The following P2RX4 variants were observed in gnomAD, a reference collection of about 807,000 sequenced individuals.
P2RX4 encodes the protein P2X purinoceptor 4.
In P2RX4, 37 loss-of-function variants were observed where a neutral mutation model predicts 48.0. The ratio of observed to expected loss-of-function variants is 0.77; its 90% CI spans 0.59 to 1.01. The LOEUF is 1.01. Among genes scored for constraint, P2RX4 ranks in the 50% least tolerant of loss-of-function variants. The pLI, the probability that P2RX4 is intolerant of heterozygous loss-of-function variation, is 0.00. For synonymous variants in P2RX4, 200 were observed against 199.7 expected (o/e 1.00, Z -0.01); for missense variants, 501 against 521.4 (o/e 0.96, Z 0.38).
chr12:121,226,187 A>C (rs1886965294), intron 5 of P2RX4, among the ~76,000 whole-genome samples: 2 of 152,004 alleles, frequency 1.3e-5, no homozygotes, highest in Non-Finnish European at 2.9e-5. Context: ...ATATACTTTT[A>C]TTGGACATCA....
At position 121,232,786 on chromosome 12, in the gene P2RX4, C is replaced by A. The variant is rs1887455485; in HGVS notation, c.1044+110C>A. On this transcript the variant is annotated intron_variant, in intron 10 of 11. Coordinates refer to ENST00000337233, the MANE Select transcript of P2RX4 (RefSeq NM_002560.3). This position sits in a 1 kb window ranked among gnomAD's most constrained non-coding sequence, Gnocchi z 4.3. ...CTCAGATGTGTTTCTAAACTTGACCCTCCTACCTTCTTTCCCTTGGCCCCC... is the reference window on the plus strand; with the variant it reads ...CTCAGATGTGTTTCTAAACTTGACCATCCTACCTTCTTTCCCTTGGCCCCC... 1 of 1,006,178 alleles carries A rather than the reference C, an allele frequency of 9.9e-7. No individual in the cohort carries two copies. The highest frequency in any genetic ancestry group is 1.3e-5 in the South Asian group (1 of 77,892). 62.3% of individuals were successfully genotyped at this position (1,006,178 alleles called of 1,614,324 possible). A position where few individuals can be genotyped will look rare whatever the true frequency, so the allele number is the denominator to read the frequency against.
intron 2 of P2RX4, among the ~76,000 whole-genome samples, chr12:121,219,623 A>G (rs202194360): frequency 0.074 from 6,237 of 83,754 alleles, 157 homozygotes; most frequent in Non-Finnish European, 0.1. Flanking sequence ...ATGGATAGAT[A>G]GATAGATAGA....
In P2RX4 at chr12:121,220,689, C is replaced by T. The variant is rs535166190; in HGVS notation, c.283-1224C>T. ...AACCATTTTAAAATGAAAAATTCAG[C>T]ACATTTAGTGCATTCACAGTGTTAT... On this transcript the variant is annotated intron_variant, in intron 2 of 11. Transcript: ENST00000337233. Among the ~76,000 whole-genome samples the T allele has an allele frequency of 2.6e-3, 392 of 152,196 alleles. 6 individuals carry two copies. The South Asian group carries it at 0.027, about 11-fold the overall frequency.
rs776126041 is a variant in P2RX4, at chr12:121,232,486, C to A, written c.957C>A (p.Phe319Leu). The A allele has an allele frequency of 1.2e-6, 2 of 1,614,090 alleles. No homozygotes were observed. The highest frequency in any genetic ancestry group is 1.7e-6 in the Non-Finnish European group (2 of 1,179,926). The change falls in exon 9 of 12, where the codon TTC becomes TTA. Residue 319 changes from phenylalanine (F) to leucine (L), a missense_variant. Transcript: ENST00000337233. This position sits in a 1 kb window ranked among gnomAD's most constrained non-coding sequence, Gnocchi z 4.3. Reference sequence around the variant, plus strand: ...TCATCAAGGCCTATGGCATCCGCTTCGACATCATTGTGTTTGGGAAGGTAG... The same window carrying A: ...TCATCAAGGCCTATGGCATCCGCTTAGACATCATTGTGTTTGGGAAGGTAG... ...RTLIKAYGIR[F>L]DIIVFGKAGK...
chr12:121,211,051 T>A (rs757413008), intron 1 of P2RX4, among the ~76,000 whole-genome samples: 1 of 152,116 alleles, frequency 6.6e-6, no homozygotes, highest in African/African-American at 2.4e-5. Flanking sequence ...AAAGTTTGCT[T>A]CCTTTGTTTT....
At chr12:121,226,938 C>T (rs1398421577) in intron 5 of P2RX4, among the ~76,000 whole-genome samples, 2 of 151,928 alleles carry the variant, frequency 1.3e-5, no homozygotes, top group Non-Finnish European at 2.9e-5. Context: ...CATGGTGAAA[C>T]CCCATCTCTA....
At chr12:121,226,968 A>G (rs922675525) in intron 5 of P2RX4, among the ~76,000 whole-genome samples, 2 of 152,108 alleles carry the variant, frequency 1.3e-5, no homozygotes, top group Non-Finnish European at 2.9e-5. Context: ...TGAAAAAATT[A>G]GCCAGGCGTG....
chr12:121,226,127 C>G (rs886195445), intron 5 of P2RX4, among the ~76,000 whole-genome samples: 3 of 152,062 alleles, frequency 2.0e-5, no homozygotes, highest in Non-Finnish European at 4.4e-5. Flanking sequence ...CCTGCCTTAG[C>G]CTCCCAAAGT....
chr12:121,228,579 A>C lies in P2RX4; in HGVS notation c.571A>C (p.Asn191His), dbSNP rs547108639. Residue 191 changes from asparagine to histidine, a missense_variant, in exon 6 of 12, where the codon AAC becomes CAC. By Grantham distance (68) the Asn-to-His change is moderately conservative. This residue lies in a region of P2RX4 where 295 missense variants were observed against 275.3 expected (regional missense o/e 1.07). Coordinates refer to ENST00000337233, the MANE Select transcript of P2RX4 (RefSeq NM_002560.3). ...AGAAAACTTCACTCTTTTGGTTAAG[A>C]ACAACATCTGGTATCCCAAATTTAA... ...AAENFTLLVK[N>H]NIWYPKFNFS... 2 of 1,613,624 alleles carry C rather than the reference A, an allele frequency of 1.2e-6. No homozygotes were observed. The highest frequency in any genetic ancestry group is 1.7e-6 in the Non-Finnish European group (2 of 1,179,972).
intron 6 of P2RX4, 36 bp downstream of exon 6, chr12:121,228,649 C>T (rs746530342): frequency 6.2e-7 from 1 of 1,611,870 alleles, no homozygotes; most frequent in East Asian, 2.2e-5. Flanking sequence ...TCACCAGGGT[C>T]TTGGAGAAAC....
intron 1 of P2RX4, chr12:121,215,629 T>G (rs928219472): frequency 6.6e-6 from 1 of 152,166 alleles, no homozygotes; most frequent in Non-Finnish European, 1.5e-5. Context: ...ACGTATTCAC[T>G]GTCTCAGTCA....
rs549431771 is a variant in P2RX4 at position 121,230,553 on chromosome 12, G to A, written c.884+1454G>A. On this transcript the variant is annotated intron_variant, in intron 8 of 11. Coordinates refer to ENST00000337233, the MANE Select transcript of P2RX4 (RefSeq NM_002560.3). Reference sequence around the variant, plus strand: ...CCTTTTGAACCTTCTGGCTCACTGAGTAAAGCAGATATTTGAATTTTTCTT... The same window carrying A: ...CCTTTTGAACCTTCTGGCTCACTGAATAAAGCAGATATTTGAATTTTTCTT... 3.9e-5 allele frequency among the ~76,000 whole-genome samples: 6 copies of A among 152,352 alleles called. No homozygotes were observed. In the East Asian group the frequency reaches 1.2e-3, roughly 29 times the overall value.
chr12:121,222,632 G>A (rs537865931), intron 4 of P2RX4: 5 of 668,464 alleles, frequency 7.5e-6, no homozygotes, highest in African/African-American at 1.8e-5. Context: ...GGCTGGTCTC[G>A]AACTCCTGAC....
intron 2 of P2RX4, among the ~76,000 whole-genome samples, chr12:121,220,543 G>A (rs1361463385): frequency 6.6e-6 from 1 of 152,050 alleles, no homozygotes; most frequent in Non-Finnish European, 1.5e-5. Context: ...GGGTGAGGCT[G>A]GAGAATCGCT....
rs1329553337 is a variant in P2RX4, at chr12:121,229,707, G to A, written c.884+608G>A. Among the ~76,000 whole-genome samples, 1 of 152,194 alleles carries A rather than the reference G, an allele frequency of 6.6e-6. No homozygotes were observed. The highest frequency in any genetic ancestry group is 1.9e-4 in the East Asian group (1 of 5,198). ...GCCACAACCTAAAATCCAGGCATCA[G>A]CAGGGCTGTGCTCGCTCTGAAGGCT... is the stretch of plus-strand genomic sequence containing the variant. On this transcript the variant is annotated intron_variant, in intron 8 of 11. Transcript: ENST00000337233. This position sits in a 1 kb window ranked among gnomAD's most constrained non-coding sequence, Gnocchi z 4.6.
At position 121,232,908 on chromosome 12, in the gene P2RX4, C is replaced by G; in HGVS notation, c.1045-89C>G. On this transcript the variant is annotated intron_variant, in intron 10 of 11. Coordinates refer to ENST00000337233, the MANE Select transcript of P2RX4 (RefSeq NM_002560.3). This position sits in a 1 kb window ranked among gnomAD's most constrained non-coding sequence, Gnocchi z 4.3. ...TGCCTTTCCATTCCGGTAAAGATTC[C>G]AGGCTTCTCAGGAAGGGGCACGCAA... 1.0e-6 allele frequency: 1 copy of G among 986,384 alleles called. No homozygotes were observed. Among genetic ancestry groups the G allele is most frequent in the Non-Finnish European group, 1.6e-6 (1 of 611,934 alleles). The allele number at this position is 986,384 out of a possible 1,614,324, so 61.1% of individuals were successfully genotyped here.
intron 8 of P2RX4, among the ~76,000 whole-genome samples, chr12:121,230,055 T>C (rs1187023542): frequency 1.3e-5 from 2 of 152,216 alleles, no homozygotes; most frequent in African/African-American, 4.8e-5. Flanking sequence ...TCAGAATCTA[T>C]AGCCAGGTAA....
chr12:121,232,645 A>C lies in P2RX4; in HGVS notation c.1013A>C (p.Asn338Thr). The C allele has an allele frequency of 6.2e-7, 1 of 1,614,080 alleles. No homozygotes were observed. The highest frequency in any genetic ancestry group is 8.5e-7 in the Non-Finnish European group (1 of 1,179,930). Residue 338 changes from asparagine to threonine, a missense_variant, in exon 10 of 12, where the codon AAC becomes ACC. By Grantham distance (65) the Asn-to-Thr change is moderately conservative. Transcript: ENST00000337233. The surrounding 1 kb of genome is among the most constrained non-coding windows in gnomAD (Gnocchi z 4.3). ...GKFDIIPTMI[N>T]IGSGLALLGM... Reference sequence around the variant, plus strand: ...TTTGACATCATCCCCACTATGATCAACATCGGCTCTGGCCTGGCACTGCTA... The same window carrying C: ...TTTGACATCATCCCCACTATGATCACCATCGGCTCTGGCCTGGCACTGCTA...
intron 8 of P2RX4, among the ~76,000 whole-genome samples, chr12:121,230,372 G>A (rs1314354538): frequency 6.6e-6 from 1 of 152,218 alleles, no homozygotes; most frequent in Non-Finnish European, 1.5e-5. Flanking sequence ...GACAAAGCAA[G>A]TCTCCGTCTC....
Sources: gnomAD v4.1 joint callset for allele counts (sites outside exome capture counted in the v4.1 genomes callset) on GRCh38, gnomAD v4.1.1 for gene constraint, gnomAD v4.1.1 regional missense constraint, Gnocchi (gnomAD v3.1) non-coding constraint, MANE v1.5 for transcripts, NCBI Gene and HGNC (gene_info 2026-07-23, HGNC 2026-07-21) for gene names.